The following PRDM5 variants were observed in gnomAD, a reference collection of about 807,000 sequenced individuals.
PRDM5 encodes PR domain zinc finger protein 5.
A neutral mutation model predicts 81.2 loss-of-function variants in PRDM5; 56 were observed. The observed-to-expected ratio is 0.69, with a 90% CI of 0.56 to 0.86. The LOEUF is 0.86. Among genes scored for constraint, PRDM5 ranks in the 40% least tolerant of loss-of-function variants. The pLI is 0.00. For synonymous variants in PRDM5, 267 were observed against 256.4 expected, an observed-to-expected ratio of 1.04 and a Z score of -0.39; for missense variants, 697 against 770.1, an observed-to-expected ratio of 0.91 and a Z score of 1.12.
At chr4:120,713,930 A>G (rs1451449903) in intron 14 of PRDM5, among the ~76,000 whole-genome samples, 1 of 152,124 alleles carries the variant, frequency 6.6e-6, no homozygotes, top group East Asian at 1.9e-4. Flanking sequence ...GTGGAAGGAA[A>G]GTACTCTGGT....
chr4:120,763,705 T>C (rs1046334104), intron 13 of PRDM5, among the ~76,000 whole-genome samples: 89 of 152,198 alleles, frequency 5.8e-4, no homozygotes, highest in African/African-American at 2.0e-3. Context: ...ACCCAGTAGT[T>C]TTCTATTTTT....
At chr4:120,838,960 G>A (rs1757680365) in intron 3 of PRDM5, 1 of 510,990 alleles carries the variant, frequency 2.0e-6, no homozygotes, top group African/African-American at 1.9e-5. Flanking sequence ...AGAAGGGTGG[G>A]CAGCTCCAGG....
intron 3 of PRDM5, among the ~76,000 whole-genome samples, chr4:120,843,699 A>G (rs113197159): frequency 0.024 from 3,652 of 151,896 alleles, 69 homozygotes; most frequent in Middle Eastern, 0.034. Context: ...AAAAAAAAAA[A>G]AAGAAGAAGA....
intron 14 of PRDM5, among the ~76,000 whole-genome samples, chr4:120,727,851 G>A (rs567769574): frequency 2.0e-5 from 3 of 151,732 alleles, no homozygotes; most frequent in East Asian, 3.9e-4. Context: ...CAGGGGAATC[G>A]CTTGAACCCG....
Position 120,922,590 on chromosome 4 carries a change from G to T in PRDM5, c.19C>A (p.Pro7Thr). 6.2e-7 allele frequency: 1 copy of T among 1,608,838 alleles called. No homozygotes were observed. The highest frequency in any genetic ancestry group is 8.5e-7 in the Non-Finnish European group (1 of 1,178,340). MLGMYV[P>T]DRFSLKSSRV... Reference sequence around the variant, plus strand: ...GAGGACTTCAGGGAGAACCTGTCCGGCACGTACATGCCCAGCATTTTCCCG... The same window carrying T: ...GAGGACTTCAGGGAGAACCTGTCCGTCACGTACATGCCCAGCATTTTCCCG... The change falls in exon 1 of 16, where the codon CCG (proline) becomes ACG (threonine). Residue 7 changes from proline (P) to threonine (T), a missense_variant. Physicochemically the swap from Pro to Thr is conservative, Grantham distance 38. Coordinates refer to ENST00000264808, the MANE Select transcript of PRDM5 (RefSeq NM_018699.4).
At chr4:120,851,972 T>C (rs1405807197) in intron 3 of PRDM5, among the ~76,000 whole-genome samples, 1 of 152,188 alleles carries the variant, frequency 6.6e-6, no homozygotes, top group Non-Finnish European at 1.5e-5. Context: ...TCTTCTGAAG[T>C]TTAGAATCCA....
intron 2 of PRDM5, among the ~76,000 whole-genome samples, chr4:120,877,951 T>A (rs1762483160): frequency 6.6e-6 from 1 of 152,146 alleles, no homozygotes; most frequent in Non-Finnish European, 1.5e-5. Flanking sequence ...AATAAACAAC[T>A]AGTTTTGGAT....
intron 2 of PRDM5, among the ~76,000 whole-genome samples, chr4:120,858,587 G>A (rs1280092387): frequency 2.0e-5 from 3 of 148,210 alleles, no homozygotes; most frequent in Non-Finnish European, 3.0e-5. Context: ...GCGCGCGCAC[G>A]CACGCACACA....
chr4:120,785,872 A>G (rs2149251218), intron 10 of PRDM5, among the ~76,000 whole-genome samples: 1 of 152,174 alleles, frequency 6.6e-6, no homozygotes, highest in East Asian at 1.9e-4. Context: ...GAAACAATGA[A>G]AAGCCACTAA....
chr4:120,907,675 CT>C (rs1339330464), intron 1 of PRDM5, 118 bp from the exon 2 acceptor site: 11 of 813,192 alleles, frequency 1.4e-5, no homozygotes, highest in Non-Finnish European at 2.2e-5. Context: ...AGAAGAGATG[CT>C]TTTGAAATAT....
intron 14 of PRDM5, among the ~76,000 whole-genome samples, chr4:120,727,396 C>G (rs1041057027): frequency 1.3e-5 from 2 of 152,052 alleles, no homozygotes; most frequent in Non-Finnish European, 2.9e-5. Flanking sequence ...CAGTGTAATG[C>G]AGATTGACAC....
intron 2 of PRDM5, among the ~76,000 whole-genome samples, chr4:120,894,055 T>C (rs895000950): frequency 6.6e-6 from 1 of 152,206 alleles, no homozygotes; most frequent in African/African-American, 2.4e-5. Flanking sequence ...GGGTTTATAC[T>C]TACCATGTTA....
Position 120,798,271 on chromosome 4 carries a change from T to G in PRDM5, c.1184A>C (p.Lys395Thr). The change falls in exon 10 of 16, where the codon AAG (lysine) becomes ACG (threonine). Residue 395 changes from lysine to threonine, a missense_variant. Lys to Thr is a moderately conservative substitution (Grantham distance 78). Transcript: ENST00000264808. ...FAHRNVYKNH[K>T]KTHSEERPFQ... is the part of the protein sequence containing the mutation. Reference sequence around the variant, plus strand: ...AATAATATTAATAAGTTTTACCTTCTTATGATTCTTGTAAACATTTCTGTG... The same window carrying G: ...AATAATATTAATAAGTTTTACCTTCGTATGATTCTTGTAAACATTTCTGTG... 1 of 1,586,850 alleles carries G rather than the reference T, an allele frequency of 6.3e-7. No individual in the cohort carries two copies. Among genetic ancestry groups the G allele is most frequent in the Non-Finnish European group, 8.6e-7 (1 of 1,165,086 alleles).
At chr4:120,810,869 G>C (rs2149322412) in intron 8 of PRDM5, among the ~76,000 whole-genome samples, 1 of 152,198 alleles carries the variant, frequency 6.6e-6, no homozygotes, top group South Asian at 2.1e-4. Flanking sequence ...CATGTTATAA[G>C]TTAAACCCAC....
At chr4:120,840,467 A>G (rs190339556) in intron 3 of PRDM5, among the ~76,000 whole-genome samples, 15 of 152,196 alleles carry the variant, frequency 9.9e-5, no homozygotes, top group African/African-American at 3.1e-4. Context: ...CCCAAGGCAT[A>G]GGAACCCAGC....
intron 15 of PRDM5, among the ~76,000 whole-genome samples, chr4:120,708,679 T>A (rs1736533974): frequency 6.6e-6 from 1 of 152,026 alleles, no homozygotes; most frequent in Non-Finnish European, 1.5e-5. Flanking sequence ...CTTGGTAGGG[T>A]GACAGGGTAG....
At chr4:120,824,540 G>C (rs916551385) in intron 3 of PRDM5, among the ~76,000 whole-genome samples, 12 of 152,118 alleles carry the variant, frequency 7.9e-5, no homozygotes, top group Non-Finnish European at 2.9e-5. Flanking sequence ...AGTTTTCAAA[G>C]CATTATAATT....
chr4:120,776,537 C>G (rs76275344), intron 13 of PRDM5, among the ~76,000 whole-genome samples: 7 of 152,144 alleles, frequency 4.6e-5, no homozygotes, highest in Admixed American at 3.9e-4. Flanking sequence ...AATGTAAAAT[C>G]ATCTGGCTAT....
intron 14 of PRDM5, among the ~76,000 whole-genome samples, chr4:120,735,541 A>T (rs1740979022): frequency 1.3e-5 from 2 of 152,124 alleles, no homozygotes; most frequent in Non-Finnish European, 2.9e-5. Context: ...ATAAAAAAAA[A>T]AGCTGTTCAC....
Sources: allele counts gnomAD v4.1 joint callset (sites outside exome capture counted in the v4.1 genomes callset), GRCh38; gene constraint gnomAD v4.1.1; transcripts MANE v1.5; gene names NCBI Gene and HGNC (gene_info 2026-07-23, HGNC 2026-07-21).